The following RPS6KA5 variants were observed in gnomAD, a reference collection of about 807,000 sequenced individuals.
RPS6KA5 encodes the protein ribosomal protein S6 kinase alpha-5.
Under a neutral mutation model 85.5 loss-of-function variants are expected in RPS6KA5, and 27 were observed. That is an observed-to-expected ratio of 0.32 (90% CI 0.23 to 0.44). The LOEUF (loss-of-function observed/expected upper bound fraction) is 0.44. Among genes scored for constraint, RPS6KA5 ranks in the 20% least tolerant of loss-of-function variants. The pLI, the probability that RPS6KA5 is intolerant of heterozygous loss-of-function variation, is 1.00. For missense variants in RPS6KA5, 811 were observed against 980.9 expected (o/e 0.83, Z 2.31); for synonymous variants, 334 against 348.2 (o/e 0.96, Z 0.46).
Position 90,856,953 on chromosome 14 carries a change from T to C in RPS6KA5, c.*15121A>G, listed in dbSNP as rs2032316867. 6.5e-6 allele frequency: 1 copy of C among 153,668 alleles called. No individual in the cohort carries two copies. Among genetic ancestry groups the C allele is most frequent in the Non-Finnish European group, 1.5e-5 (1 of 68,746 alleles). 9.5% of individuals were successfully genotyped at this position (153,668 alleles called of 1,614,324 possible). The stretch of plus-strand genomic sequence containing the variant: ...TGTGTCTGGTTTCTTTACCTTTAAC[T>C]GGTAGTTCTTCAGCCATTCCAAAGG... On this transcript the variant is annotated 3_prime_UTR_variant, in exon 17 of 17. Coordinates refer to ENST00000614987, the MANE Select transcript of RPS6KA5 (RefSeq NM_004755.4).
In RPS6KA5 at chr14:90,999,848, C is replaced by T. The variant is rs546107187; in HGVS notation, c.175+1240G>A. On this transcript the variant is annotated intron_variant, in intron 2 of 16. Transcript: ENST00000614987. Reference sequence around the variant, plus strand: ...AGCCCTGATTTCTGAGCAGCGAAAGCGGTGGTAGCAAAAATTCAGAAGGCA... The same window carrying T: ...AGCCCTGATTTCTGAGCAGCGAAAGTGGTGGTAGCAAAAATTCAGAAGGCA... 5.9e-5 allele frequency among the ~76,000 whole-genome samples: 9 copies of T among 152,292 alleles called. No individual in the cohort carries two copies. In the East Asian group the frequency reaches 1.3e-3, roughly 23 times the overall value.
intron 3 of RPS6KA5, among the ~76,000 whole-genome samples, chr14:90,961,300 C>T (rs981946068): frequency 2.0e-5 from 3 of 152,112 alleles, no homozygotes; most frequent in African/African-American, 7.2e-5. Flanking sequence ...GTGGTTAAGT[C>T]AATTTTCCAG....
chr14:91,025,919 G>C (rs2041974393), intron 1 of RPS6KA5, among the ~76,000 whole-genome samples: 1 of 152,056 alleles, frequency 6.6e-6, no homozygotes, highest in Admixed American at 6.5e-5. Context: ...CTGAGATGTG[G>C]CGTACAAATG....
chr14:90,953,671 T>C (rs571436009), intron 3 of RPS6KA5, among the ~76,000 whole-genome samples: 39 of 152,278 alleles, frequency 2.6e-4, no homozygotes, highest in Admixed American at 1.5e-3. Flanking sequence ...AAGGAATGCA[T>C]TCCTGGGGTG....
Position 90,917,828 on chromosome 14 carries a change from C to T in RPS6KA5, c.806+2378G>A, listed in dbSNP as rs117699778. Among the ~76,000 whole-genome samples, 1,132 of 152,310 alleles carry T rather than the reference C, an allele frequency of 7.4e-3. 13 individuals are homozygous for T. Among genetic ancestry groups the T allele is most frequent in the Middle Eastern group, 0.014 (4 of 294 alleles). On this transcript the variant is annotated intron_variant, in intron 7 of 16. Coordinates refer to ENST00000614987, the MANE Select transcript of RPS6KA5 (RefSeq NM_004755.4). ...CCCCCCACCTCACCCTCCTCAGCAA[C>T]TGTGACTACAGGTGCACTACTGCAC...
intron 7 of RPS6KA5, among the ~76,000 whole-genome samples, chr14:90,913,102 G>A (rs1184383251): frequency 1.3e-5 from 2 of 151,780 alleles, no homozygotes; most frequent in Non-Finnish European, 2.9e-5. Flanking sequence ...GTAGAGACGA[G>A]GTTTCACCAT....
Position 90,978,374 on chromosome 14 carries a change from C to G in RPS6KA5, c.326G>C (p.Arg109Thr). Reference protein sequence around the residue: ...RTERQVLEHIRQSPFLVTLHY... With the variant: ...RTERQVLEHITQSPFLVTLHY... Reference sequence around the variant, plus strand: ...TAATGTTACCAAAAATGGCGACTGCCTAATGTGTTCCAGGACTTGTCGTTC... The same window carrying G: ...TAATGTTACCAAAAATGGCGACTGCGTAATGTGTTCCAGGACTTGTCGTTC... Residue 109 changes from arginine (R) to threonine (T), a missense_variant, in exon 3 of 17, where the codon AGG becomes ACG. This residue lies in a region of RPS6KA5 where 48 missense variants were observed against 87.6 expected (regional missense o/e 0.55). Transcript: ENST00000614987. 1 of 1,613,644 alleles carries G rather than the reference C, an allele frequency of 6.2e-7. No individual in the cohort carries two copies. Among genetic ancestry groups the G allele is most frequent in the Non-Finnish European group, 8.5e-7 (1 of 1,179,834 alleles).
chr14:91,032,640 G>C (rs919171299), intron 1 of RPS6KA5, among the ~76,000 whole-genome samples: 1 of 152,160 alleles, frequency 6.6e-6, no homozygotes, highest in Non-Finnish European at 1.5e-5. Flanking sequence ...TGACGGCTAT[G>C]GGTCCTGAAG....
At chr14:90,873,609 A>G (rs2033262775) in intron 16 of RPS6KA5, 23 bp downstream of exon 16, 1 of 1,596,738 alleles carries the variant, frequency 6.3e-7, no homozygotes. Flanking sequence ...ACCGCCCAAC[A>G]TGTACAGAGC....
intron 1 of RPS6KA5, among the ~76,000 whole-genome samples, chr14:91,052,781 C>T (rs186209328): frequency 0.01 from 1,507 of 144,674 alleles, 23 homozygotes; most frequent in Middle Eastern, 0.074. Flanking sequence ...TGGCAGTGAG[C>T]AGAGTTCGCG....
chr14:90,849,149 A>G lies in RPS6KA5; in HGVS notation c.*22925T>C, dbSNP rs8019035. ...CGTAACCAGGAGAGCCCGCGCAGGCACCTTGGTGGTCTGAATCTAATAGAT... is the reference window on the plus strand; with the variant it reads ...CGTAACCAGGAGAGCCCGCGCAGGCGCCTTGGTGGTCTGAATCTAATAGAT... On this transcript the variant is annotated 3_prime_UTR_variant, in exon 17 of 17. Transcript: ENST00000614987. The G allele has an allele frequency of 0.29, 44,848 of 152,156 alleles. 6,823 individuals are homozygous for G. The highest frequency in any genetic ancestry group is 0.35 in the African/African-American group (14,417 of 41,500). 9.4% of individuals were successfully genotyped at this position (152,156 alleles called of 1,614,324 possible). A position where few individuals can be genotyped will look rare whatever the true frequency, so the allele number is the denominator to read the frequency against.
chr14:90,932,772 C>A (rs575480238), intron 5 of RPS6KA5, among the ~76,000 whole-genome samples: 6 of 152,300 alleles, frequency 3.9e-5, no homozygotes, highest in African/African-American at 1.4e-4. Flanking sequence ...TGACATTATC[C>A]TTCTCAAGGA....
intron 3 of RPS6KA5, among the ~76,000 whole-genome samples, chr14:90,972,435 G>A (rs1359914989): frequency 6.6e-6 from 1 of 151,984 alleles, no homozygotes; most frequent in East Asian, 1.9e-4. Context: ...AAACCAAACA[G>A]AAAAAAATCA....
At chr14:90,934,045 T>G (rs551961424) in intron 5 of RPS6KA5, among the ~76,000 whole-genome samples, 17 of 152,312 alleles carry the variant, frequency 1.1e-4, no homozygotes, top group African/African-American at 3.1e-4. Context: ...TATTCCCTAT[T>G]CCTGTTCCCT....
chr14:90,961,573 T>G (rs1308743904), intron 3 of RPS6KA5, among the ~76,000 whole-genome samples: 1 of 152,200 alleles, frequency 6.6e-6, no homozygotes, highest in Non-Finnish European at 1.5e-5. Flanking sequence ...CTTATATAAT[T>G]TTGCAGTCTT....
At chr14:91,004,146 C>T (rs554481088) in intron 1 of RPS6KA5, among the ~76,000 whole-genome samples, 22 of 152,244 alleles carry the variant, frequency 1.4e-4, no homozygotes, top group African/African-American at 4.8e-4. Flanking sequence ...AGTGCAGTGG[C>T]GCGATCTCAG....
At chr14:90,995,632 C>T (rs1447278418) in intron 2 of RPS6KA5, among the ~76,000 whole-genome samples, 1 of 152,158 alleles carries the variant, frequency 6.6e-6, no homozygotes, top group Non-Finnish European at 1.5e-5. Context: ...AGCTTATTTG[C>T]TTCTCTAAAT....
chr14:91,060,158 GC>G, intron 1 of RPS6KA5, 173 bp downstream of exon 1: 4 of 979,294 alleles, frequency 4.1e-6, no homozygotes, highest in Non-Finnish European at 3.6e-6. Context: ...CCCAAGGCGC[GC>G]CCCCACCTCC....
At chr14:91,017,540 G>GGT (rs1173663822) in intron 1 of RPS6KA5, among the ~76,000 whole-genome samples, 1 of 152,182 alleles carries the variant, frequency 6.6e-6, no homozygotes, top group Non-Finnish European at 1.5e-5. Flanking sequence ...GGAAGACTCA[G>GGT]GTACAGCACC....
Sources: gnomAD v4.1 joint callset for allele counts (sites outside exome capture counted in the v4.1 genomes callset) on GRCh38, gnomAD v4.1.1 for gene constraint, gnomAD v4.1.1 regional missense constraint, MANE v1.5 for transcripts, NCBI Gene and HGNC (gene_info 2026-07-23, HGNC 2026-07-21) for gene names.